Variants in EIF4E3 observed in about 807,000 individuals in gnomAD.
EIF4E3 encodes eukaryotic translation initiation factor 4E family member 3, also known as eukaryotic translation initiation factor 4E type 3.
In EIF4E3, 26 loss-of-function variants were observed where a neutral mutation model predicts 31.7. The observed-to-expected ratio is 0.82, with a 90% CI of 0.60 to 1.14. The LOEUF (loss-of-function observed/expected upper bound fraction) is 1.14. EIF4E3 is among the 50% of genes most tolerant of loss of function. The probability of loss-of-function intolerance (pLI) is 0.00; values close to 1 mark genes in which losing one functional copy is unlikely to be tolerated. For synonymous variants in EIF4E3, 128 were observed against 107.7 expected, an observed-to-expected ratio of 1.19 and a Z score of -1.17; for missense variants, 304 against 270.9, an observed-to-expected ratio of 1.12 and a Z score of -0.86.
At chr3:71,722,776 G>A (rs1284807245) in intron 1 of EIF4E3, among the ~76,000 whole-genome samples, 1 of 152,190 alleles carries the variant, frequency 6.6e-6, no homozygotes, top group Non-Finnish European at 1.5e-5. Context: ...CTGTTTGTTG[G>A]GGTGTGGGTA....
intron 5 of EIF4E3, among the ~76,000 whole-genome samples, chr3:71,690,889 T>C (rs1412185165): frequency 6.6e-6 from 1 of 152,216 alleles, no homozygotes; most frequent in Non-Finnish European, 1.5e-5. Context: ...AGGATCGTCC[T>C]TCAATGAATG....
chr3:71,675,251 T>C (rs989896340), downstream of EIF4E3, among the ~76,000 whole-genome samples: 1 of 152,220 alleles, frequency 6.6e-6, no homozygotes, highest in African/African-American at 2.4e-5. Context: ...TAATCCGGAA[T>C]TGGCCGTGAA....
At chr3:71,673,927 ATAT>A, downstream of EIF4E3, among the ~76,000 whole-genome samples, 2 of 139,612 alleles carry the variant, frequency 1.4e-5, no homozygotes, top group African/African-American at 5.3e-5. Context: ...ATATATATAT[ATAT>A]AAAAAACATA....
intron 5 of EIF4E3, among the ~76,000 whole-genome samples, chr3:71,690,418 C>G (rs1042989618): frequency 1.3e-5 from 2 of 152,184 alleles, no homozygotes; most frequent in Non-Finnish European, 2.9e-5. Context: ...AATGCATTTT[C>G]CAGATAAGTA....
chr3:71,738,942 G>A (rs1476722231), intron 1 of EIF4E3, among the ~76,000 whole-genome samples: 1 of 126,770 alleles, frequency 7.9e-6, no homozygotes, highest in South Asian at 2.5e-4. Flanking sequence ...ACCAGAAAAA[G>A]AACCAGAAAA....
chr3:71,747,170 G>T (rs545258938), intron 1 of EIF4E3, among the ~76,000 whole-genome samples: 14 of 152,138 alleles, frequency 9.2e-5, no homozygotes, highest in African/African-American at 2.7e-4. Flanking sequence ...AGGTCATAAG[G>T]TAACTCTATG....
Position 71,741,401 on chromosome 3 carries a change from CA to C in EIF4E3, c.-291+12061del, listed in dbSNP as rs1490745358. ...ATATCACACTAAGTAAATTCCGGAG[CA>C]AAGAATATTATTTGGAATGAAGAGG... On this transcript the variant is annotated intron_variant, in intron 1 of 7. Transcript: ENST00000295612. Among the ~76,000 whole-genome samples, 3 of 152,114 alleles carry C rather than the reference CA, an allele frequency of 2.0e-5. No homozygotes were observed. In the East Asian group the frequency reaches 5.8e-4, roughly 29 times the overall value.
intron 6 of EIF4E3, 77 bp from the exon 7 acceptor site, chr3:71,684,805 G>C: frequency 6.8e-7 from 1 of 1,473,378 alleles, no homozygotes; most frequent in Non-Finnish European, 9.3e-7. Context: ...CCCTCCTCTA[G>C]GCATCTCATT....
chr3:71,709,142 C>A (rs1417565037), intron 2 of EIF4E3, among the ~76,000 whole-genome samples: 1 of 152,106 alleles, frequency 6.6e-6, no homozygotes, highest in East Asian at 1.9e-4. Context: ...GCCTAAGAGA[C>A]ACAATCTAGA....
rs187358685 is a variant in EIF4E3, at chr3:71,677,135, G to C, written c.*7547C>G. The C allele has an allele frequency of 1.4e-4, 22 of 152,294 alleles. No individual in the cohort carries two copies. Among genetic ancestry groups the C allele is most frequent in the Middle Eastern group, 3.4e-3 (1 of 294 alleles). The allele number at this position is 152,294 out of a possible 1,614,324, so 9.4% of individuals were successfully genotyped here. On this transcript the variant is annotated 3_prime_UTR_variant, in exon 7 of 7. Transcript: ENST00000425534. ...AAGAATTTATGATTTATGCTTGCTA[G>C]TTAAATATGCTTATGATTTAAACTT...
chr3:71,754,630 TG>T, upstream of EIF4E3: 1 of 1,471,138 alleles, frequency 6.8e-7, no homozygotes, highest in African/African-American at 1.5e-5. This position sits in a 1 kb window ranked among gnomAD's most constrained non-coding sequence, Gnocchi z 5.8. Context: ...GCCGTGGTGG[TG>T]GGCGCCACGC....
intron 3 of EIF4E3, among the ~76,000 whole-genome samples, chr3:71,699,368 C>T (rs1190148151): frequency 6.6e-6 from 1 of 152,158 alleles, no homozygotes; most frequent in Non-Finnish European, 1.5e-5. Context: ...GACTGAATGA[C>T]ATGACATAAG....
chr3:71,754,583 C>G, upstream of EIF4E3: 1 of 1,413,244 alleles, frequency 7.1e-7, no homozygotes, highest in Non-Finnish European at 9.2e-7. The surrounding 1 kb of genome is among the most constrained non-coding windows in gnomAD (Gnocchi z 5.8). Flanking sequence ...AGCGGCCCGA[C>G]GGCGCCCCCG....
chr3:71,694,549 A>C (rs984258188), intron 4 of EIF4E3, among the ~76,000 whole-genome samples: 1 of 148,018 alleles, frequency 6.8e-6, no homozygotes, highest in African/African-American at 2.5e-5. Flanking sequence ...CCTCCTACCA[A>C]TGAGAAATAC....
chr3:71,703,119 C>G (rs1312814095), intron 2 of EIF4E3, among the ~76,000 whole-genome samples: 2 of 151,998 alleles, frequency 1.3e-5, no homozygotes, highest in Non-Finnish European at 2.9e-5. Context: ...TTCCCAAAAG[C>G]CTTGATAATC....
Position 71,684,489 on chromosome 3 carries a change from G to T in EIF4E3, c.*193C>A. 4.6e-6 allele frequency: 2 copies of T among 437,278 alleles called. No individual in the cohort carries two copies. Among genetic ancestry groups the T allele is most frequent in the African/African-American group, 2.0e-5 (1 of 49,078 alleles). 27.1% of individuals were successfully genotyped at this position (437,278 alleles called of 1,614,324 possible). A position where few individuals can be genotyped will look rare whatever the true frequency, so the allele number is the denominator to read the frequency against. On this transcript the variant is annotated 3_prime_UTR_variant, in exon 7 of 7. Transcript: ENST00000425534. ...GTTTTTTTTAAAAAGCAAGTAATGT[G>T]ACGGTAGAAACCCACACAATCTCCC... is the stretch of plus-strand genomic sequence containing the variant.
upstream of EIF4E3, among the ~76,000 whole-genome samples, chr3:71,729,787 A>C (rs1424812564): frequency 1.6e-5 from 2 of 126,872 alleles, no homozygotes; most frequent in African/African-American, 6.2e-5. Flanking sequence ...GGGAGCCTAC[A>C]TTCCAATAGA....
At chr3:71,687,998 A>G (rs2049016096) in intron 6 of EIF4E3, among the ~76,000 whole-genome samples, 1 of 148,890 alleles carries the variant, frequency 6.7e-6, no homozygotes, top group South Asian at 2.1e-4. Flanking sequence ...CTTTGTTTAC[A>G]ATAAAGAAAA....
At chr3:71,663,097 A>G in the EIF4E3 span, among the ~76,000 whole-genome samples, 1 of 152,152 alleles carries the variant, frequency 6.6e-6, no homozygotes, top group Non-Finnish European at 1.5e-5. Flanking sequence ...CACTATTGCC[A>G]AGCCCCTTGC....
Sources: allele counts gnomAD v4.1 joint callset (sites outside exome capture counted in the v4.1 genomes callset), GRCh38; gene constraint gnomAD v4.1.1; non-coding constraint Gnocchi (gnomAD v3.1); transcripts MANE v1.5; gene names NCBI Gene and HGNC (gene_info 2026-07-23, HGNC 2026-07-21).